Variants in PPP1R21 observed in about 807,000 individuals in gnomAD.
The protein encoded by PPP1R21 is KLRAQ motif containing 1.
Under a neutral mutation model 112.8 loss-of-function variants are expected in PPP1R21, and 85 were observed. The observed-to-expected ratio is 0.75, with a 90% CI of 0.63 to 0.90. The LOEUF is 0.90. PPP1R21 is among the 40% of genes least tolerant of loss of function. PPP1R21 has a pLI of 0.00. For missense variants in PPP1R21, 1,199 were observed against 901.5 expected, an observed-to-expected ratio of 1.33 and a Z score of -4.23; for synonymous variants, 381 against 322.3, an observed-to-expected ratio of 1.18 and a Z score of -1.95.
chr2:48,502,461 C>T (rs1408084824), intron 17 of PPP1R21, among the ~76,000 whole-genome samples: 4 of 150,948 alleles, frequency 2.6e-5, no homozygotes, highest in African/African-American at 9.9e-5. Context: ...TCTTTTTACC[C>T]CCATGCCCTT....
intron 13 of PPP1R21, among the ~76,000 whole-genome samples, chr2:48,484,780 T>A (rs1402321256): frequency 6.6e-6 from 1 of 152,232 alleles, no homozygotes; most frequent in Non-Finnish European, 1.5e-5. Context: ...TCTCCCAAAG[T>A]GCTAGATTAC....
intron 2 of PPP1R21, among the ~76,000 whole-genome samples, chr2:48,451,698 T>C (rs1238102185): frequency 1.3e-5 from 2 of 152,184 alleles, no homozygotes; most frequent in African/African-American, 4.8e-5. Context: ...ATAAATTAAG[T>C]CTAGGATTTG....
chr2:48,441,241 T>G (rs1558403444), intron 1 of PPP1R21: 5 of 582,088 alleles, frequency 8.6e-6, no homozygotes, highest in Non-Finnish European at 1.5e-5. Flanking sequence ...AGCTGGAGTT[T>G]GATTCTTCCT....
chr2:48,502,902 A>G (rs988484263), intron 17 of PPP1R21, among the ~76,000 whole-genome samples: 3 of 151,888 alleles, frequency 2.0e-5, no homozygotes, highest in Non-Finnish European at 2.9e-5. Flanking sequence ...GGATGGCCTC[A>G]ATCTCCTGAC....
chr2:48,454,043 G>C (rs1667600369), intron 2 of PPP1R21, among the ~76,000 whole-genome samples: 1 of 149,100 alleles, frequency 6.7e-6, no homozygotes, highest in Non-Finnish European at 1.5e-5. Context: ...TGGATCACCT[G>C]AGGTCAGGAG....
intron 2 of PPP1R21, 63 bp downstream of exon 2, chr2:48,451,139 T>C: frequency 7.4e-7 from 1 of 1,342,440 alleles, no homozygotes; most frequent in Middle Eastern, 1.8e-4. Flanking sequence ...TCAAAGCAGG[T>C]TCATTGGGTT....
In PPP1R21 at chr2:48,459,760, G is replaced by A. The variant is rs1249264703; in HGVS notation, c.382G>A (p.Glu128Lys). The change falls in exon 5 of 22, where the codon GAA becomes AAA. Residue 128 changes from glutamate (E) to lysine (K), a missense_variant. By Grantham distance (56) the Glu-to-Lys change is moderately conservative (BLOSUM62 1). Coordinates refer to ENST00000294952, the MANE Select transcript of PPP1R21 (RefSeq NM_001135629.3). ...ENERLHIQFF[E>K]ADEQHKHVEA... ...AATGGTCTTCTCTTTTTAGTTTTTT[G>A]AAGCTGATGAGCAGCACAAGCATGT... The A allele has an allele frequency of 6.2e-7, 1 of 1,605,172 alleles. No homozygotes were observed. The highest frequency in any genetic ancestry group is 8.5e-7 in the Non-Finnish European group (1 of 1,177,602).
intron 21 of PPP1R21, among the ~76,000 whole-genome samples, chr2:48,514,235 G>T (rs1670769054): frequency 6.6e-6 from 1 of 151,752 alleles, no homozygotes; most frequent in South Asian, 2.1e-4. Context: ...ACAGGCACCC[G>T]CCACCATGCC....
chr2:48,512,484 G>A (rs2103682308), intron 21 of PPP1R21, among the ~76,000 whole-genome samples: 1 of 147,512 alleles, frequency 6.8e-6, no homozygotes, highest in African/African-American at 2.7e-5. Context: ...GATTCAGCAG[G>A]CATTTATTGA....
chr2:48,458,086 G>C lies in PPP1R21; in HGVS notation c.274-40G>C, dbSNP rs780052642. 12 of 1,342,492 alleles carry C rather than the reference G, an allele frequency of 8.9e-6. No homozygotes were observed. In the African/African-American group the frequency reaches 1.4e-4, roughly 16 times the overall value. 83.2% of individuals were successfully genotyped at this position (1,342,492 alleles called of 1,614,324 possible). On this transcript the variant is annotated intron_variant, in intron 3 of 21. Transcript: ENST00000294952. ...GTGTACCTTAGGATGTTTCTCTAAA[G>C]GATGAAAGTTATGTGGACATAACTT...
At chr2:48,461,288 C>T in intron 7 of PPP1R21, 56 bp downstream of exon 7, 1 of 1,442,034 alleles carries the variant, frequency 6.9e-7, no homozygotes, top group South Asian at 1.6e-5. Flanking sequence ...TCTGTGGTAG[C>T]CAACTAATTA....
chr2:48,490,234 A>G lies in PPP1R21; in HGVS notation c.1447-784A>G, dbSNP rs899330894. Among the ~76,000 whole-genome samples the G allele has an allele frequency of 5.5e-5, 8 of 145,590 alleles. 1 individual carries two copies. In the East Asian group the frequency reaches 1.4e-3, roughly 25 times the overall value. ...ACGCCGACTCAAAAAAAAAAAAAAA[A>G]AAAAAGAAAGAAAAGAAAAAAAGAA... On this transcript the variant is annotated intron_variant, in intron 14 of 21. Coordinates refer to ENST00000294952, the MANE Select transcript of PPP1R21 (RefSeq NM_001135629.3).
At position 48,440,766 on chromosome 2, in the gene PPP1R21, A is replaced by T. The variant is rs534702671; in HGVS notation, c.-188A>T. 4.8e-4 allele frequency: 286 copies of T among 598,904 alleles called. 1 individual carries two copies. In the African/African-American group the frequency reaches 5.1e-3, roughly 11 times the overall value. The allele number at this position is 598,904 out of a possible 1,614,324, so 37.1% of individuals were successfully genotyped here. A position where few individuals can be genotyped will look rare whatever the true frequency, so the allele number is the denominator to read the frequency against. ...CTGTGGTCGCTCCGCCCCCGGCCCC[A>T]CTCCACCTTCCTCCCACCCCGGGAA... On this transcript the variant is annotated 5_prime_UTR_variant, in exon 1 of 22. Coordinates refer to ENST00000294952, the MANE Select transcript of PPP1R21 (RefSeq NM_001135629.3).
At chr2:48,511,584 A>C (rs1670645477) in intron 21 of PPP1R21, 116 bp downstream of exon 21, 2 of 1,288,978 alleles carry the variant, frequency 1.6e-6, no homozygotes, top group Non-Finnish European at 2.1e-6. Context: ...TGTAAGGGCC[A>C]GGGGCAGTGG....
intron 13 of PPP1R21, 149 bp from the exon 14 acceptor site, chr2:48,486,482 T>C (rs910030706): frequency 2.4e-5 from 14 of 575,248 alleles, no homozygotes; most frequent in Middle Eastern, 9.7e-4. Flanking sequence ...ACCTAATTGA[T>C]ACTCAGTGCA....
At chr2:48,456,252 C>CTTTTT (rs778594245) in intron 3 of PPP1R21, among the ~76,000 whole-genome samples, 2,210 of 130,322 alleles carry the variant, frequency 0.017, 59 homozygotes, top group African/African-American at 0.059. Context: ...GATTGCTGCT[C>CTTTTT]TTTTTTTTTT....
intron 21 of PPP1R21, among the ~76,000 whole-genome samples, chr2:48,514,335 C>G (rs1438347944): frequency 2.0e-5 from 3 of 152,118 alleles, no homozygotes; most frequent in Non-Finnish European, 2.9e-5. Flanking sequence ...ATCCACCCGC[C>G]TCGGCCTCCC....
chr2:48,483,285 G>A (rs550442961), intron 13 of PPP1R21, among the ~76,000 whole-genome samples: 12 of 130,652 alleles, frequency 9.2e-5, no homozygotes, highest in East Asian at 2.4e-4. Context: ...AGGTTCAAGC[G>A]ATTCTCCTGC....
chr2:48,473,003 TAA>T (rs1180323822), intron 11 of PPP1R21, among the ~76,000 whole-genome samples: 7 of 134,606 alleles, frequency 5.2e-5, no homozygotes, highest in Non-Finnish European at 9.7e-5. Flanking sequence ...CCCTGTCTCT[TAA>T]AAAAAAAAAA....
Sources: allele counts gnomAD v4.1 joint callset (sites outside exome capture counted in the v4.1 genomes callset), GRCh38; gene constraint gnomAD v4.1.1; transcripts MANE v1.5; gene names NCBI Gene and HGNC (gene_info 2026-07-23, HGNC 2026-07-21).